Variants in FGF18 observed in about 807,000 individuals in gnomAD.
FGF18 encodes the protein fibroblast growth factor 18.
In FGF18, 5 loss-of-function variants were observed where a neutral mutation model predicts 23.0. That is an observed-to-expected ratio of 0.22 (90% CI 0.11 to 0.46). The LOEUF (loss-of-function observed/expected upper bound fraction) is 0.46, where lower values mean the gene tolerates loss of function less well. Ranked by LOEUF, FGF18 falls within the 20% of genes least tolerant of loss-of-function variation. The pLI is 0.99. For missense variants in FGF18, 180 were observed against 291.6 expected (o/e 0.62, Z 2.79); for synonymous variants, 117 against 118.9 (o/e 0.98, Z 0.10).
At chr5:171,449,639 G>A (rs1362770906) in intron 4 of FGF18, among the ~76,000 whole-genome samples, 3 of 152,074 alleles carry the variant, frequency 2.0e-5, no homozygotes, top group South Asian at 2.1e-4. Flanking sequence ...GCAAGGAACC[G>A]GCAGGCCAAG....
chr5:171,450,781 C>T (rs927460289), intron 4 of FGF18, among the ~76,000 whole-genome samples: 2 of 152,026 alleles, frequency 1.3e-5, no homozygotes, highest in Non-Finnish European at 2.9e-5. Flanking sequence ...CCTGGCCGGT[C>T]CCCCTGGCCT....
intron 4 of FGF18, 33 bp downstream of exon 4, chr5:171,449,286 G>T: frequency 6.6e-7 from 1 of 1,520,826 alleles, no homozygotes; most frequent in Non-Finnish European, 9.1e-7. Context: ...CGGGAACTTC[G>T]GGTTCCCCTC....
chr5:171,456,755 A>T lies in FGF18; in HGVS notation c.574A>T (p.Thr192Ser). Residue 192 changes from threonine (T) to serine (S), a missense_variant, in exon 5 of 5, where the codon ACG becomes TCG. Coordinates refer to ENST00000274625, the MANE Select transcript of FGF18 (RefSeq NM_003862.3). This position sits in a 1 kb window ranked among gnomAD's most constrained non-coding sequence, Gnocchi z 6.1. ...QPELQKPFKY[T>S]TVTKRSRRIR... ...GGAGCTTCAGAAGCCCTTCAAGTAC[A>T]CGACGGTGACCAAGAGGTCCCGTCG... is the stretch of plus-strand genomic sequence containing the variant. The T allele has an allele frequency of 6.2e-7, 1 of 1,614,064 alleles. No individual in the cohort carries two copies. Among genetic ancestry groups the T allele is most frequent in the Non-Finnish European group, 8.5e-7 (1 of 1,180,022 alleles).
At chr5:171,420,552 G>C in intron 2 of FGF18, 109 bp downstream of exon 2, 3 of 1,057,558 alleles carry the variant, frequency 2.8e-6, no homozygotes, top group Admixed American at 1.8e-5. Flanking sequence ...CCTGGGCGCT[G>C]AGCCCAGTGC....
At chr5:171,441,568 T>C (rs1369562213) in intron 3 of FGF18, among the ~76,000 whole-genome samples, 4 of 152,222 alleles carry the variant, frequency 2.6e-5, no homozygotes, top group Non-Finnish European at 5.9e-5. Context: ...ATTGTCTCCT[T>C]ATCAGAGAGT....
intron 2 of FGF18, among the ~76,000 whole-genome samples, chr5:171,435,781 C>A (rs189861510): frequency 8.9e-4 from 135 of 152,256 alleles, no homozygotes; most frequent in African/African-American, 3.1e-3. Context: ...ACCATTTTAC[C>A]GAGAATCGTT....
At position 171,420,297 on chromosome 5, in the gene FGF18, C is replaced by T. The variant is rs1771983989; in HGVS notation, c.32+66C>T. On this transcript the variant is annotated intron_variant, in intron 1 of 4. Coordinates refer to ENST00000274625, the MANE Select transcript of FGF18 (RefSeq NM_003862.3). ...TCTGTCCGTATGCCTGTGCCCTGTA[C>T]CTCTGTCTGCCCGCCCGTCGGTTCA... The T allele has an allele frequency of 1.9e-6, 3 of 1,606,862 alleles. No individual in the cohort carries two copies. In the South Asian group the frequency reaches 3.3e-5, roughly 18 times the overall value.
intron 3 of FGF18, among the ~76,000 whole-genome samples, chr5:171,438,099 C>CTTT (rs372013681): frequency 1.5e-5 from 2 of 135,692 alleles, no homozygotes; most frequent in Admixed American, 7.3e-5. Context: ...TTTTTCTTTT[C>CTTT]TTTTTTTTTT....
chr5:171,450,120 G>T (rs1772477631), intron 4 of FGF18, among the ~76,000 whole-genome samples: 1 of 151,408 alleles, frequency 6.6e-6, no homozygotes, highest in African/African-American at 2.4e-5. Flanking sequence ...TGGGGTGGAG[G>T]GTAGGCCTGG....
intron 2 of FGF18, among the ~76,000 whole-genome samples, chr5:171,435,485 G>A (rs1043128557): frequency 3.3e-5 from 5 of 152,168 alleles, no homozygotes; most frequent in African/African-American, 9.7e-5. Context: ...TCTCCTAGAG[G>A]AGCTCAGGAT....
intron 2 of FGF18, among the ~76,000 whole-genome samples, chr5:171,431,636 G>A (rs10434691): frequency 0.16 from 24,423 of 152,188 alleles, 2,228 homozygotes; most frequent in South Asian, 0.3. Flanking sequence ...AGGCCACCAT[G>A]CTGTGAGAAA....
In FGF18 at chr5:171,454,922, C is replaced by T. The variant is rs149853961; in HGVS notation, c.358-1617C>T. Among the ~76,000 whole-genome samples, 325 of 152,368 alleles carry T rather than the reference C, an allele frequency of 2.1e-3. 3 individuals carry two copies. The highest frequency in any genetic ancestry group is 3.1e-3 in the Non-Finnish European group (211 of 68,030). On this transcript the variant is annotated intron_variant, in intron 4 of 4. Coordinates refer to ENST00000274625, the MANE Select transcript of FGF18 (RefSeq NM_003862.3). ...GGAGACTAACACCCTGCCTCCTCAC[C>T]ACCCCCTGTCCAGATCAGATCCAAG...
intron 2 of FGF18, among the ~76,000 whole-genome samples, chr5:171,426,245 C>T (rs1772086672): frequency 6.6e-6 from 1 of 152,180 alleles, no homozygotes; most frequent in Non-Finnish European, 1.5e-5. Flanking sequence ...TCCCTTGCCC[C>T]CTGCCCGCCC....
chr5:171,421,344 C>T (rs1342147152), intron 2 of FGF18, among the ~76,000 whole-genome samples: 1 of 152,084 alleles, frequency 6.6e-6, no homozygotes, highest in African/African-American at 2.4e-5. Flanking sequence ...CGGGGGGCGG[C>T]GGGCAAAGGG....
chr5:171,435,951 G>A (rs952436245), intron 2 of FGF18, 142 bp from the exon 3 acceptor site: 3 of 574,080 alleles, frequency 5.2e-6, no homozygotes, highest in Non-Finnish European at 8.1e-6. Context: ...GGTAGTGAGG[G>A]GGTGGTTATC....
chr5:171,448,542 A>G (rs1344987924), intron 3 of FGF18, among the ~76,000 whole-genome samples: 1 of 152,040 alleles, frequency 6.6e-6, no homozygotes, highest in Non-Finnish European at 1.5e-5. Flanking sequence ...CTGCATCTGT[A>G]TCTATCTGTC....
intron 3 of FGF18, among the ~76,000 whole-genome samples, chr5:171,442,231 G>A (rs1351927042): frequency 6.6e-6 from 1 of 152,204 alleles, no homozygotes; most frequent in Non-Finnish European, 1.5e-5. Flanking sequence ...AAAGGTCTTT[G>A]AGAAAAGACC....
At chr5:171,452,503 C>T (rs1303360823) in intron 4 of FGF18, among the ~76,000 whole-genome samples, 1 of 152,158 alleles carries the variant, frequency 6.6e-6, no homozygotes, top group Non-Finnish European at 1.5e-5. Flanking sequence ...AAGCTGTGTC[C>T]CCAGCCCCTG....
chr5:171,444,180 C>T (rs958498257), intron 3 of FGF18, among the ~76,000 whole-genome samples: 1 of 152,124 alleles, frequency 6.6e-6, no homozygotes, highest in African/African-American at 2.4e-5. Context: ...AACTTCTGCC[C>T]AAAGAAAGTG....
Sources: allele counts gnomAD v4.1 joint callset (sites outside exome capture counted in the v4.1 genomes callset), GRCh38; gene constraint gnomAD v4.1.1; non-coding constraint Gnocchi (gnomAD v3.1); transcripts MANE v1.5; gene names NCBI Gene and HGNC (gene_info 2026-07-23, HGNC 2026-07-21).